CNTNAP5: variants seen among roughly 807,000 people sequenced by gnomAD.
CNTNAP5 encodes the protein contactin-associated protein-like 5.
A neutral mutation model predicts 150.2 loss-of-function variants in CNTNAP5; 72 were observed. The ratio of observed to expected loss-of-function variants is 0.48; its 90% CI spans 0.40 to 0.58. CNTNAP5 has a LOEUF of 0.58. Ranked by LOEUF, CNTNAP5 falls within the 20% of genes least tolerant of loss-of-function variation. The pLI, the probability that CNTNAP5 is intolerant of heterozygous loss-of-function variation, is 0.00. For missense variants in CNTNAP5, 1,636 were observed against 1,626.2 expected (o/e 1.01, Z -0.10); for synonymous variants, 672 against 619.8 (o/e 1.08, Z -1.25).
chr2:124,522,177 C>T (rs895062562), intron 8 of CNTNAP5, among the ~76,000 whole-genome samples: 9 of 152,140 alleles, frequency 5.9e-5, no homozygotes, highest in African/African-American at 1.4e-4. Flanking sequence ...TCAGGGGTAC[C>T]GGCTCTTCAC....
intron 1 of CNTNAP5, among the ~76,000 whole-genome samples, chr2:124,099,182 C>G (rs1683008645): frequency 6.6e-6 from 1 of 152,154 alleles, no homozygotes. Context: ...GCTTCACTTA[C>G]ACTCTTCTCC....
At chr2:124,126,115 T>G (rs1461934484) in intron 1 of CNTNAP5, among the ~76,000 whole-genome samples, 1 of 152,044 alleles carries the variant, frequency 6.6e-6, no homozygotes, top group African/African-American at 2.4e-5. Flanking sequence ...AAAAAATCAA[T>G]GAATTCAGGA....
At chr2:124,790,220 ACT>A (rs200210522) in intron 18 of CNTNAP5, 79 bp downstream of exon 18, 20,876 of 1,405,058 alleles carry the variant, frequency 0.015, 197 homozygotes, top group Non-Finnish European at 0.017. Context: ...TGATACTCAC[ACT>A]CTGAGACAGT....
chr2:124,760,823 G>C (rs1055390443), intron 14 of CNTNAP5, among the ~76,000 whole-genome samples: 1 of 152,094 alleles, frequency 6.6e-6, no homozygotes, highest in African/African-American at 2.4e-5. Flanking sequence ...CTATGTACAA[G>C]TTGGTGTGTT....
Position 124,336,643 on chromosome 2 carries a change from C to T in CNTNAP5, c.382-80800C>T, listed in dbSNP as rs376486084. Among the ~76,000 whole-genome samples, 42 of 150,384 alleles carry T rather than the reference C, an allele frequency of 2.8e-4. 2 individuals carry two copies. The South Asian group carries it at 7.1e-3, about 25-fold the overall frequency. ...CGCAGTGTTTGGTTTTTTGTCCTTG[C>T]GATAGTTTGCTGAGAATGATGGTTT... On this transcript the variant is annotated intron_variant, in intron 3 of 23. Coordinates refer to ENST00000682447, the MANE Select transcript of CNTNAP5 (RefSeq NM_001367498.1).
intron 19 of CNTNAP5, among the ~76,000 whole-genome samples, chr2:124,855,167 C>CTTTTTTTTTTTTTTTTTTT (rs70999224): frequency 1.4e-5 from 1 of 71,434 alleles, no homozygotes; most frequent in Admixed American, 2.1e-4. Flanking sequence ...TGGGCTTTTG[C>CTTTTTTTTTTTTTTTTTTT]TTTTTTTTTT....
chr2:124,061,565 T>A (rs1682011724), intron 1 of CNTNAP5, among the ~76,000 whole-genome samples: 1 of 152,182 alleles, frequency 6.6e-6, no homozygotes, highest in South Asian at 2.1e-4. Flanking sequence ...TAGTAGGTGC[T>A]TTTCTTTTCC....
chr2:124,529,058 GTT>G (rs777056828), intron 10 of CNTNAP5, among the ~76,000 whole-genome samples: 2 of 140,792 alleles, frequency 1.4e-5, no homozygotes, highest in African/African-American at 5.3e-5. Context: ...CTTCTGCTTT[GTT>G]TTTTTTTTTT....
intron 10 of CNTNAP5, among the ~76,000 whole-genome samples, chr2:124,558,704 T>C (rs1695817396): frequency 1.3e-5 from 2 of 152,182 alleles, no homozygotes; most frequent in South Asian, 4.1e-4. Context: ...ATCACACTTT[T>C]CCCAGGCCTC....
intron 10 of CNTNAP5, among the ~76,000 whole-genome samples, chr2:124,552,611 A>G (rs1695652420): frequency 6.6e-6 from 1 of 152,108 alleles, no homozygotes; most frequent in Admixed American, 6.5e-5. Flanking sequence ...ACACACATGC[A>G]CACACATGCA....
chr2:124,448,915 C>A (rs995130560), intron 6 of CNTNAP5, among the ~76,000 whole-genome samples: 1 of 152,170 alleles, frequency 6.6e-6, no homozygotes, highest in Non-Finnish European at 1.5e-5. Flanking sequence ...TTTGGATACA[C>A]AGTCATGGCA....
chr2:124,754,690 T>C (rs1680800883), intron 14 of CNTNAP5, among the ~76,000 whole-genome samples: 1 of 152,108 alleles, frequency 6.6e-6, no homozygotes, highest in African/African-American at 2.4e-5. Flanking sequence ...TTTCAATTTT[T>C]TTTTATTTTG....
At chr2:124,176,842 G>GTTTTTTTTTTTTTTTT (rs71394026) in intron 1 of CNTNAP5, among the ~76,000 whole-genome samples, 1 of 119,916 alleles carries the variant, frequency 8.3e-6, no homozygotes, top group Non-Finnish European at 1.7e-5. Context: ...GTTATTGCTG[G>GTTTTTTTTTTTTTTTT]TTTTTTTTTT....
intron 19 of CNTNAP5, among the ~76,000 whole-genome samples, chr2:124,820,935 T>G (rs73955844): frequency 0.05 from 7,660 of 152,272 alleles, 619 homozygotes; most frequent in African/African-American, 0.17. Flanking sequence ...TTTCTATTTC[T>G]CAAGATAGAA....
intron 18 of CNTNAP5, among the ~76,000 whole-genome samples, chr2:124,793,405 A>T (rs1282870348): frequency 6.6e-6 from 1 of 152,076 alleles, no homozygotes; most frequent in Non-Finnish European, 1.5e-5. Flanking sequence ...CAGTTGTAAT[A>T]ATTTGTCGTA....
chr2:124,513,510 A>T (rs1420903990), intron 8 of CNTNAP5, among the ~76,000 whole-genome samples: 1 of 152,198 alleles, frequency 6.6e-6, no homozygotes, highest in Non-Finnish European at 1.5e-5. Context: ...GGAAACAAGT[A>T]CATTATTTGC....
At chr2:124,211,328 G>T (rs1686004523) in intron 1 of CNTNAP5, among the ~76,000 whole-genome samples, 4 of 152,180 alleles carry the variant, frequency 2.6e-5, no homozygotes, top group Admixed American at 2.6e-4. Flanking sequence ...CATCGATTTA[G>T]ATATTTTACA....
At chr2:124,415,306 G>A (rs1406528666) in intron 3 of CNTNAP5, among the ~76,000 whole-genome samples, 1 of 152,104 alleles carries the variant, frequency 6.6e-6, no homozygotes, top group African/African-American at 2.4e-5. Flanking sequence ...CTGCAGAAGG[G>A]GCTGCAAAAT....
intron 11 of CNTNAP5, among the ~76,000 whole-genome samples, chr2:124,571,513 T>C (rs1246987702): frequency 1.7e-5 from 2 of 119,476 alleles, no homozygotes; most frequent in Non-Finnish European, 3.5e-5. Context: ...ACTGAGTACT[T>C]TTTTTTCTTT....
Sources: allele counts gnomAD v4.1 joint callset (sites outside exome capture counted in the v4.1 genomes callset), GRCh38; gene constraint gnomAD v4.1.1; transcripts MANE v1.5; gene names NCBI Gene and HGNC (gene_info 2026-07-23, HGNC 2026-07-21).